The following NIBAN2 variants were observed in gnomAD, a reference collection of about 807,000 sequenced individuals.
NIBAN2 encodes protein Niban 2.
A neutral mutation model predicts 81.8 loss-of-function variants in NIBAN2; 36 were observed. That is an observed-to-expected ratio of 0.44 (90% CI 0.34 to 0.58). The LOEUF (loss-of-function observed/expected upper bound fraction) is 0.58, where lower values mean the gene tolerates loss of function less well. Ranked by LOEUF, NIBAN2 falls within the 20% of genes least tolerant of loss-of-function variation. NIBAN2 has a pLI of 0.02. For synonymous variants in NIBAN2, 445 were observed against 441.6 expected (o/e 1.01, Z -0.10); for missense variants, 897 against 1,014.1 (o/e 0.88, Z 1.57).
intron 1 of NIBAN2, among the ~76,000 whole-genome samples, chr9:127,549,727 T>C (rs535417694): frequency 2.0e-5 from 3 of 152,280 alleles, no homozygotes; most frequent in East Asian, 1.9e-4. Flanking sequence ...CAATCCCAGA[T>C]TGGAATGCCA....
intron 1 of NIBAN2, among the ~76,000 whole-genome samples, chr9:127,568,530 G>A (rs966061031): frequency 4.6e-4 from 69 of 150,976 alleles, no homozygotes; most frequent in Non-Finnish European, 4.4e-4. Context: ...GCTCGGCCAG[G>A]GGTCGTGGGC....
chr9:127,527,055 G>A (rs1012235280), intron 3 of NIBAN2, 139 bp downstream of exon 3: 41 of 1,006,030 alleles, frequency 4.1e-5, no homozygotes, highest in Middle Eastern at 3.1e-4. Context: ...GAGGGGAGGG[G>A]CTGAGGTGGT....
At chr9:127,523,316 G>A (rs919911222) in intron 5 of NIBAN2, among the ~76,000 whole-genome samples, 7 of 133,750 alleles carry the variant, frequency 5.2e-5, no homozygotes, top group African/African-American at 2.0e-4. Flanking sequence ...ACCCCCCTAA[G>A]ACACACAAGG....
At chr9:127,562,015 G>C (rs1457221770) in intron 1 of NIBAN2, among the ~76,000 whole-genome samples, 3 of 152,194 alleles carry the variant, frequency 2.0e-5, no homozygotes, top group Non-Finnish European at 2.9e-5. Flanking sequence ...GCAGGAGCCC[G>C]GGGTGCAGTG....
chr9:127,561,851 T>C (rs1488353826), intron 1 of NIBAN2, among the ~76,000 whole-genome samples: 2 of 152,140 alleles, frequency 1.3e-5, no homozygotes, highest in African/African-American at 4.8e-5. Context: ...CCCTCACGGG[T>C]TTTAAACCTA....
intron 1 of NIBAN2, among the ~76,000 whole-genome samples, chr9:127,534,717 A>C (rs1035391673): frequency 9.2e-5 from 14 of 152,098 alleles, no homozygotes; most frequent in African/African-American, 3.1e-4. Flanking sequence ...GGGGGGAGGA[A>C]GGGGAGAACA....
chr9:127,511,425 C>T (rs1836733901), intron 8 of NIBAN2, among the ~76,000 whole-genome samples: 1 of 151,850 alleles, frequency 6.6e-6, no homozygotes, highest in South Asian at 2.1e-4. Context: ...CTCAAACTCC[C>T]TGGGCTCAAG....
At chr9:127,512,024 GA>G (rs1419390360) in intron 8 of NIBAN2, among the ~76,000 whole-genome samples, 1 of 152,152 alleles carries the variant, frequency 6.6e-6, no homozygotes, top group Non-Finnish European at 1.5e-5. Flanking sequence ...TAGGCCCCCA[GA>G]ATTACGAAGC....
chr9:127,507,210 C>T lies in NIBAN2; in HGVS notation c.1876G>A (p.Val626Ile). 6.2e-6 allele frequency: 10 copies of T among 1,612,862 alleles called. No individual in the cohort carries two copies. Among genetic ancestry groups the T allele is most frequent in the Non-Finnish European group, 8.5e-6 (10 of 1,179,606 alleles). Residue 626 changes from valine to isoleucine, a missense_variant, in exon 14 of 14, where the codon GTC (valine) becomes ATC (isoleucine). Coordinates refer to ENST00000373312, the MANE Select transcript of NIBAN2 (RefSeq NM_022833.4). This position sits in a 1 kb window ranked among gnomAD's most constrained non-coding sequence, Gnocchi z 6.8. ...GGCAGCCCCACCTCCTCATCCTGGA[C>T]CACAGAGACCACCTGCTTGGCGCGC... ...RRRAKQVVSV[V>I]QDEEVGLPFE...
At position 127,531,645 on chromosome 9, in the gene NIBAN2, C is replaced by T; in HGVS notation, c.186+3G>A. On this transcript the variant is annotated splice_donor_region_variant and intron_variant, in intron 2 of 13. Transcript: ENST00000373312. ...ATACCCGAGCCCTCCCAGCACCTCT[C>T]ACCTTGCGCCAGAGCAGCTGGGCCT... is the stretch of plus-strand genomic sequence containing the variant. The T allele has an allele frequency of 6.2e-7, 1 of 1,612,668 alleles. No homozygotes were observed. The highest frequency in any genetic ancestry group is 1.7e-4 in the Middle Eastern group (1 of 6,008).
At chr9:127,527,642 G>A (rs1837101148) in intron 2 of NIBAN2, among the ~76,000 whole-genome samples, 1 of 152,196 alleles carries the variant, frequency 6.6e-6, no homozygotes. Flanking sequence ...CCCAGCCTTG[G>A]GCTGTCACCG....
At chr9:127,569,874 A>G (rs1837926687), upstream of NIBAN2, among the ~76,000 whole-genome samples, 1 of 152,226 alleles carries the variant, frequency 6.6e-6, no homozygotes, top group Non-Finnish European at 1.5e-5. Flanking sequence ...GTAGCACTTT[A>G]CAGTTTGCAA....
chr9:127,522,274 G>A (rs1159475570), intron 5 of NIBAN2, among the ~76,000 whole-genome samples: 2 of 152,172 alleles, frequency 1.3e-5, no homozygotes, highest in Non-Finnish European at 2.9e-5. Flanking sequence ...CTGGAGAGGC[G>A]AGCAGGAGGG....
chr9:127,567,430 G>A (rs1018642198), intron 1 of NIBAN2, among the ~76,000 whole-genome samples: 9 of 152,146 alleles, frequency 5.9e-5, no homozygotes, highest in South Asian at 2.1e-4. Flanking sequence ...GAGAGGGTCC[G>A]ATTCATTTTC....
chr9:127,523,663 C>T lies in NIBAN2; in HGVS notation c.589+16G>A, dbSNP rs768784904. The T allele has an allele frequency of 3.1e-6, 5 of 1,602,602 alleles. No individual in the cohort carries two copies. Among genetic ancestry groups the T allele is most frequent in the Non-Finnish European group, 4.3e-6 (5 of 1,170,878 alleles). Reference sequence around the variant, plus strand: ...GCCCCTCCCTCCCACCGACCCTGCACCCACAGGCCACTCACCATTGTTGCA... The same window carrying T: ...GCCCCTCCCTCCCACCGACCCTGCATCCACAGGCCACTCACCATTGTTGCA... On this transcript the variant is annotated intron_variant, in intron 5 of 13. Transcript: ENST00000373312.
chr9:127,513,440 G>A (rs550308627), intron 8 of NIBAN2, among the ~76,000 whole-genome samples: 151 of 152,298 alleles, frequency 9.9e-4, no homozygotes, highest in South Asian at 2.1e-3. Flanking sequence ...ACTGCCAGGC[G>A]GTGAAGGCAT....
chr9:127,531,716 G>A lies in NIBAN2; in HGVS notation c.118C>T (p.Leu40Phe). The A allele has an allele frequency of 6.2e-7, 1 of 1,614,206 alleles. No individual in the cohort carries two copies. The change falls in exon 2 of 14, where the codon CTC becomes TTC. Residue 40 changes from leucine (L) to phenylalanine (F), a missense_variant. Around this residue, in one of 3 missense-constraint regions of NIBAN2, gnomAD observed 209 missense variants for 208.4 expected, o/e 1.00. Coordinates refer to ENST00000373312, the MANE Select transcript of NIBAN2 (RefSeq NM_022833.4). ...QFYEDQYGVA[L>F]FNSMRHEIEG... ...ATCTCATGGCGCATGCTGTTGAAGA[G>A]AGCCACGCCATACTGGTCTTCATAG...
At chr9:127,564,525 T>G (rs1335898396) in intron 1 of NIBAN2, among the ~76,000 whole-genome samples, 2 of 151,982 alleles carry the variant, frequency 1.3e-5, no homozygotes, top group Admixed American at 1.3e-4. Context: ...CACAGAAAGA[T>G]GTCCACCAAT....
chr9:127,527,976 T>C (rs1193417082), intron 2 of NIBAN2, among the ~76,000 whole-genome samples: 1 of 152,202 alleles, frequency 6.6e-6, no homozygotes, highest in African/African-American at 2.4e-5. Flanking sequence ...GTGACCTACA[T>C]GGGCTGCAGA....
Sources: allele counts gnomAD v4.1 joint callset (sites outside exome capture counted in the v4.1 genomes callset), GRCh38; gene constraint gnomAD v4.1.1; regional missense constraint gnomAD v4.1.1; non-coding constraint Gnocchi (gnomAD v3.1); transcripts MANE v1.5; gene names NCBI Gene and HGNC (gene_info 2026-07-23, HGNC 2026-07-21).